The following SHANK1 variants were observed in gnomAD, a reference collection of about 807,000 sequenced individuals.
The protein encoded by SHANK1 is SH3 and multiple ankyrin repeat domains protein 1.
SHANK1 carries 35 observed loss-of-function variants against 165.6 expected under a neutral mutation model. The ratio of observed to expected loss-of-function variants is 0.21; its 90% CI spans 0.16 to 0.28. The LOEUF is 0.28. Among genes scored for constraint, SHANK1 ranks in the 10% least tolerant of loss-of-function variants. The pLI is 1.00. For synonymous variants in SHANK1, 1,428 were observed against 1,384.8 expected (o/e 1.03, Z -0.69); for missense variants, 2,681 against 3,036.4 (o/e 0.88, Z 2.75).
At chr19:50,689,022 G>T in intron 16 of SHANK1, 54 bp from the exon 17 acceptor site, 1 of 1,351,800 alleles carries the variant, frequency 7.4e-7, no homozygotes, top group Non-Finnish European at 1.0e-6. Context: ...GAGAGGCCGA[G>T]CAGGGGATGG....
Position 50,687,165 on chromosome 19 carries a change from G to A in SHANK1, c.2390-353C>T. ...GTGGGGGCGGTCAGCTGTCCGACCA[G>A]CCCCCTGTCAGGGGAAATGGGACCC... On this transcript the variant is annotated intron_variant, in intron 19 of 23. Transcript: ENST00000293441. 5.5e-6 allele frequency: 3 copies of A among 541,210 alleles called. No homozygotes were observed. The South Asian group carries it at 9.9e-5, about 18-fold the overall frequency. The allele number at this position is 541,210 out of a possible 1,614,324, so 33.5% of individuals were successfully genotyped here. A position where few individuals can be genotyped will look rare whatever the true frequency, so the allele number is the denominator to read the frequency against.
At position 50,697,230 on chromosome 19, in the gene SHANK1, A is replaced by C; in HGVS notation, c.1938-108T>G. On this transcript the variant is annotated intron_variant, in intron 14 of 23. Coordinates refer to ENST00000293441, the MANE Select transcript of SHANK1 (RefSeq NM_016148.5). This position sits in a 1 kb window ranked among gnomAD's most constrained non-coding sequence, Gnocchi z 4.7. Reference sequence around the variant, plus strand: ...GACTGCACCCTCCCCACACCGGTGCATGGGACACACACATTCCCACTGCAC... The same window carrying C: ...GACTGCACCCTCCCCACACCGGTGCCTGGGACACACACATTCCCACTGCAC... The C allele has an allele frequency of 6.7e-7, 1 of 1,494,116 alleles. No individual in the cohort carries two copies. The highest frequency in any genetic ancestry group is 1.4e-5 in the African/African-American group (1 of 72,070). The allele number at this position is 1,494,116 out of a possible 1,614,324, so 92.6% of individuals were successfully genotyped here.
rs1043559224 is a variant in SHANK1, at chr19:50,666,558, C to T, written c.5402G>A (p.Arg1801His). ...GAGTDGLLAL[R>H]ACSGPPTAGV... ...TGCCGTGGGGGGTCCTGAACAAGCA[C>T]GCAGGGCCAGCAGCCCATCGGTTCC... Residue 1801 changes from arginine (R) to histidine (H), a missense_variant, in exon 23 of 24, where the codon CGT becomes CAT. Transcript: ENST00000293441. The T allele has an allele frequency of 1.3e-5, 20 of 1,598,574 alleles. No individual in the cohort carries two copies. The highest frequency in any genetic ancestry group is 1.7e-5 in the Admixed American group (1 of 58,058).
Position 50,667,627 on chromosome 19 carries a change from G to A in SHANK1, c.4333C>T (p.Leu1445=). 1.4e-6 allele frequency: 2 copies of A among 1,427,890 alleles called. No individual in the cohort carries two copies. The highest frequency in any genetic ancestry group is 1.8e-6 in the Non-Finnish European group (2 of 1,101,384). 88.5% of individuals were successfully genotyped at this position (1,427,890 alleles called of 1,614,324 possible). The part of the protein sequence containing the change: ...ASPPAARRSL[L]HRLPPTAPGV... ...GGAGCGGTGGGCGGCAGGCGGTGTA[G>A]CAGGGAACGCCGGGCGGCGGGCGGG... The change falls in exon 23 of 24, where the codon CTA becomes TTA. Residue 1445 remains leucine (L), a synonymous_variant. Transcript: ENST00000293441. The surrounding 1 kb of genome is among the most constrained non-coding windows in gnomAD (Gnocchi z 5.7).
chr19:50,716,945 C>T lies in SHANK1; in HGVS notation c.-26G>A, dbSNP rs994717403. 2.5e-5 allele frequency: 36 copies of T among 1,414,976 alleles called. No individual in the cohort carries two copies. Among genetic ancestry groups the T allele is most frequent in the African/African-American group, 2.9e-5 (2 of 68,944 alleles). The allele number at this position is 1,414,976 out of a possible 1,614,324, so 87.7% of individuals were successfully genotyped here. A position where few individuals can be genotyped will look rare whatever the true frequency, so the allele number is the denominator to read the frequency against. ...TGTGGGGCCACGGGGCGACGGGGGA[C>T]GGCAGCATCACAGGCGGCTGCAGGG... is the stretch of plus-strand genomic sequence containing the variant. On this transcript the variant is annotated 5_prime_UTR_variant, in exon 2 of 24. Transcript: ENST00000293441. The surrounding 1 kb of genome is among the most constrained non-coding windows in gnomAD (Gnocchi z 8.4).
In SHANK1 at chr19:50,668,758, C is replaced by G. The variant is rs1295548734; in HGVS notation, c.3202G>C (p.Gly1068Arg). The part of the protein sequence containing the change: ...TPGAPSPSHH[G>R]SAGGGGGSSQ... ...GAGCCGCCGCCCCCGCCCGCGCTGC[C>G]GTGGTGCGATGGGGACGGGGCCCCC... The change falls in exon 23 of 24, where the codon GGC becomes CGC. Residue 1068 changes from glycine to arginine, a missense_variant. By Grantham distance (125) the Gly-to-Arg change is moderately radical (BLOSUM62 -2). Coordinates refer to ENST00000293441, the MANE Select transcript of SHANK1 (RefSeq NM_016148.5). 1.3e-5 allele frequency: 16 copies of G among 1,276,584 alleles called. No individual in the cohort carries two copies. Among genetic ancestry groups the G allele is most frequent in the Middle Eastern group, 3.0e-4 (1 of 3,384 alleles). 79.1% of individuals were successfully genotyped at this position (1,276,584 alleles called of 1,614,324 possible). A position where few individuals can be genotyped will look rare whatever the true frequency, so the allele number is the denominator to read the frequency against.
rs1341314364 is a variant in SHANK1, at chr19:50,716,280, G to A, written c.454C>T (p.Leu152=). The change falls in exon 3 of 24, where the codon CTG becomes TTG. Residue 152 remains leucine (L), a synonymous_variant. Transcript: ENST00000293441. This position sits in a 1 kb window ranked among gnomAD's most constrained non-coding sequence, Gnocchi z 8.4. ...AGGAGTTGGGGAAGCTTCACCTCCA[G>A]GTAGGGGACCCCCTTCTCAAAGGAC... ...PQSFEKGVPY[L]EFRYKTRVYK... 6.2e-7 allele frequency: 1 copy of A among 1,613,904 alleles called. No individual in the cohort carries two copies. The highest frequency in any genetic ancestry group is 1.1e-5 in the South Asian group (1 of 91,084).
rs35946035 is a variant in SHANK1, at chr19:50,670,651, TG to T, written c.2674+1366del. ...TCATGTCCAGTGCTCACTTGGCCCC[TG>T]CTACACAGGCCTCCTCCCTGTTCTG... On this transcript the variant is annotated intron_variant, in intron 22 of 23. Transcript: ENST00000293441. The surrounding 1 kb of genome is among the most constrained non-coding windows in gnomAD (Gnocchi z 4.1). 0.34 allele frequency among the ~76,000 whole-genome samples: 51,495 copies of T among 151,958 alleles called. 10,623 individuals are homozygous for T. The highest frequency in any genetic ancestry group is 0.51 in the Admixed American group (7,806 of 15,244).
At chr19:50,712,641 T>G (rs1478458342) in intron 6 of SHANK1, among the ~76,000 whole-genome samples, 1 of 152,164 alleles carries the variant, frequency 6.6e-6, no homozygotes, top group Non-Finnish European at 1.5e-5. Context: ...TGCCCCCACT[T>G]GAAGGACAGC....
chr19:50,667,613 C>A lies in SHANK1; in HGVS notation c.4347G>T (p.Pro1449=). 2 of 1,429,438 alleles carry A rather than the reference C, an allele frequency of 1.4e-6. No individual in the cohort carries two copies. The highest frequency in any genetic ancestry group is 1.5e-5 in the South Asian group (1 of 65,990). 88.5% of individuals were successfully genotyped at this position (1,429,438 alleles called of 1,614,324 possible). A position where few individuals can be genotyped will look rare whatever the true frequency, so the allele number is the denominator to read the frequency against. Residue 1449 remains proline, a synonymous_variant, in exon 23 of 24, where the codon CCG becomes CCT. Coordinates refer to ENST00000293441, the MANE Select transcript of SHANK1 (RefSeq NM_016148.5). This position sits in a 1 kb window ranked among gnomAD's most constrained non-coding sequence, Gnocchi z 5.7. The stretch of plus-strand genomic sequence containing the variant: ...GGGGCCCCACCCCGGGAGCGGTGGG[C>A]GGCAGGCGGTGTAGCAGGGAACGCC... ...AARRSLLHRL[P]PTAPGVGPLL...
At chr19:50,682,237 G>A (rs949201615) in intron 21 of SHANK1, among the ~76,000 whole-genome samples, 38 of 151,766 alleles carry the variant, frequency 2.5e-4, no homozygotes, top group African/African-American at 8.5e-4. Context: ...TGTATTTTTA[G>A]TAGAGACGGG....
At chr19:50,695,421 G>A (rs1341878734) in intron 15 of SHANK1, among the ~76,000 whole-genome samples, 1 of 149,298 alleles carries the variant, frequency 6.7e-6, no homozygotes, top group Non-Finnish European at 1.5e-5. Context: ...GGGGGAGGGG[G>A]CCGGGAGGGG....
rs1218412985 is a variant in SHANK1 at position 50,697,378 on chromosome 19, C to T, written c.1937+211G>A. ...TGACCACCCCGTTGTCTCTGGCTAC[C>T]CCAGAGCTGGGCAGTCTTAGTGGCT... On this transcript the variant is annotated intron_variant, in intron 14 of 23. Coordinates refer to ENST00000293441, the MANE Select transcript of SHANK1 (RefSeq NM_016148.5). This position sits in a 1 kb window ranked among gnomAD's most constrained non-coding sequence, Gnocchi z 4.7. Among the ~76,000 whole-genome samples the T allele has an allele frequency of 6.6e-6, 1 of 152,164 alleles. No homozygotes were observed. The highest frequency in any genetic ancestry group is 1.5e-5 in the Non-Finnish European group (1 of 68,034).
Position 50,688,955 on chromosome 19 carries a change from G to C in SHANK1, c.2061C>G (p.Ile687Met). 2 of 1,549,912 alleles carry C rather than the reference G, an allele frequency of 1.3e-6. No homozygotes were observed. Among genetic ancestry groups the C allele is most frequent in the Non-Finnish European group, 1.7e-6 (2 of 1,144,976 alleles). The change falls in exon 17 of 24, where the codon ATC becomes ATG. Residue 687 changes from isoleucine (I) to methionine (M), a missense_variant. Coordinates refer to ENST00000293441, the MANE Select transcript of SHANK1 (RefSeq NM_016148.5). The surrounding 1 kb of genome is among the most constrained non-coding windows in gnomAD (Gnocchi z 6.7). ...VLRGAKAQTP[I>M]EEFTPTPAFP... ...AGGCCGGGGTGGGGGTGAACTCCTC[G>C]ATGGGGGTCTGCGCTGCAGACAGGG...
chr19:50,706,130 G>T (rs943928467), intron 8 of SHANK1, among the ~76,000 whole-genome samples: 9 of 143,864 alleles, frequency 6.3e-5, no homozygotes, highest in Non-Finnish European at 1.2e-4. Context: ...CTGCACTCCA[G>T]TCTGGGTGAC....
chr19:50,689,236 CCTT>C lies in SHANK1; in HGVS notation c.2005_2007del (p.Lys669del). On this transcript the variant is annotated inframe_deletion, in exon 16 of 24. Transcript: ENST00000293441. Reference sequence around the variant, plus strand: ...AGCACGAACCCAAACCCCTCACTGTCCTTCTTCTGCAGCAAGACTGTCTTCTCC... The same window carrying C: ...AGCACGAACCCAAACCCCTCACTGTCCTTCTGCAGCAAGACTGTCTTCTCC... 1.2e-6 allele frequency: 2 copies of C among 1,612,668 alleles called. No individual in the cohort carries two copies. The highest frequency in any genetic ancestry group is 1.1e-5 in the South Asian group (1 of 90,916).
rs1200052868 is a variant in SHANK1 at position 50,697,397 on chromosome 19, A to C, written c.1937+192T>G. Among the ~76,000 whole-genome samples the C allele has an allele frequency of 2.0e-5, 3 of 152,102 alleles. No homozygotes were observed. Among genetic ancestry groups the C allele is most frequent in the African/African-American group, 7.2e-5 (3 of 41,424 alleles). On this transcript the variant is annotated intron_variant, in intron 14 of 23. Transcript: ENST00000293441. The surrounding 1 kb of genome is among the most constrained non-coding windows in gnomAD (Gnocchi z 4.7). ...GGCTACCCCAGAGCTGGGCAGTCTT[A>C]GTGGCTGCCGAAGATGGTTTGGGGT...
chr19:50,665,316 C>T (rs1382729695), intron 23 of SHANK1, among the ~76,000 whole-genome samples: 1 of 151,902 alleles, frequency 6.6e-6, no homozygotes, highest in East Asian at 1.9e-4. Flanking sequence ...GGAATCTCAG[C>T]ACTTTGGGAG....
At chr19:50,680,134 G>A (rs539767644) in intron 21 of SHANK1, among the ~76,000 whole-genome samples, 1 of 152,128 alleles carries the variant, frequency 6.6e-6, no homozygotes, top group East Asian at 1.9e-4. Context: ...GGGAGGTGGG[G>A]AAACAGGGAG....
Sources: allele counts gnomAD v4.1 joint callset (sites outside exome capture counted in the v4.1 genomes callset), GRCh38; gene constraint gnomAD v4.1.1; non-coding constraint Gnocchi (gnomAD v3.1); transcripts MANE v1.5; gene names NCBI Gene and HGNC (gene_info 2026-07-23, HGNC 2026-07-21).